UNKL: variants seen among roughly 807,000 people sequenced by gnomAD.
UNKL encodes the protein unk like zinc finger, also known as putative E3 ubiquitin-protein ligase UNKL.
In UNKL, 60 loss-of-function variants were observed where a neutral mutation model predicts 78.0. That is an observed-to-expected ratio of 0.77 (90% CI 0.63 to 0.95). The LOEUF (loss-of-function observed/expected upper bound fraction) is 0.95. Ranked by LOEUF, UNKL falls within the 40% of genes least tolerant of loss-of-function variation. UNKL has a pLI of 0.00. For missense variants in UNKL, 1,159 were observed against 1,045.7 expected, an observed-to-expected ratio of 1.11 and a Z score of -1.49; for synonymous variants, 608 against 474.8, an observed-to-expected ratio of 1.28 and a Z score of -3.65.
At position 1,401,647 on chromosome 16, in the gene UNKL, C is replaced by T. The variant is rs746546005; in HGVS notation, c.519G>A (p.Gly173=). 2.5e-6 allele frequency: 4 copies of T among 1,612,342 alleles called. No homozygotes were observed. In the South Asian group the frequency reaches 3.3e-5, roughly 13 times the overall value. ...AGACCCCAGGCTGCAGATCCGGGAC[C>T]CCTTCCCCGCCGCCCAGCTGGCCGT... ...LQNGQLGGGE[G]VPDLQPGVLA... Residue 173 remains glycine (G), a synonymous_variant, in exon 4 of 15, where the codon GGG becomes GGA. Coordinates refer to ENST00000389221, the MANE Select transcript of UNKL (RefSeq NM_001372107.1).
intron 12 of UNKL, chr16:1,368,261 A>G (rs2035472951): frequency 8.9e-6 from 2 of 225,102 alleles, no homozygotes; most frequent in Admixed American, 5.1e-5. Context: ...GTGACTGCCA[A>G]TGTCTATGCA....
chr16:1,399,668 G>C lies in UNKL; in HGVS notation c.599-159C>G. 9.1e-7 allele frequency: 1 copy of C among 1,102,620 alleles called. No individual in the cohort carries two copies. The highest frequency in any genetic ancestry group is 1.3e-6 in the Non-Finnish European group (1 of 780,808). 68.3% of individuals were successfully genotyped at this position (1,102,620 alleles called of 1,614,324 possible). The stretch of plus-strand genomic sequence containing the variant: ...CGCCACGGCACACGCTGATGTCAAA[G>C]GACTCGCGCTCCATGAGGGAAGCCG... On this transcript the variant is annotated intron_variant, in intron 4 of 14. Transcript: ENST00000389221. This position sits in a 1 kb window ranked among gnomAD's most constrained non-coding sequence, Gnocchi z 5.8.
intron 5 of UNKL, chr16:1,398,656 C>A (rs1410253043): frequency 9.0e-6 from 13 of 1,440,276 alleles, no homozygotes; most frequent in Non-Finnish European, 1.2e-5. Flanking sequence ...ATGGCCCAGG[C>A]ATCCAGACAC....
chr16:1,379,791 C>T, intron 10 of UNKL: 5 of 807,228 alleles, frequency 6.2e-6, no homozygotes, highest in Non-Finnish European at 7.5e-6. Flanking sequence ...CCCAACCTTC[C>T]CCCCGACTCG....
chr16:1,399,088 G>T lies in UNKL; in HGVS notation c.734+286C>A. On this transcript the variant is annotated intron_variant, in intron 5 of 14. Coordinates refer to ENST00000389221, the MANE Select transcript of UNKL (RefSeq NM_001372107.1). The surrounding 1 kb of genome is among the most constrained non-coding windows in gnomAD (Gnocchi z 5.8). ...CACACGGGGGTCCCAGCTGGGCTTG[G>T]GGTCCCTCCTGCAGTGCTCCGTCCC... The T allele has an allele frequency of 7.8e-7, 1 of 1,289,368 alleles. No homozygotes were observed. Among genetic ancestry groups the T allele is most frequent in the South Asian group, 1.5e-5 (1 of 64,604 alleles). The allele number at this position is 1,289,368 out of a possible 1,614,324, so 79.9% of individuals were successfully genotyped here.
At chr16:1,401,539 A>G in intron 4 of UNKL, 29 bp downstream of exon 4, 4 of 1,351,508 alleles carry the variant, frequency 3.0e-6, no homozygotes, top group Non-Finnish European at 3.0e-6. Context: ...CCCCCCCACC[A>G]CCGCCCTCAG....
intron 8 of UNKL, among the ~76,000 whole-genome samples, chr16:1,391,907 C>G (rs949715015): frequency 6.6e-6 from 1 of 152,112 alleles, no homozygotes; most frequent in Non-Finnish European, 1.5e-5. Context: ...AGGCCGGTCT[C>G]GAACTCCTGA....
chr16:1,393,602 C>T (rs934145011), intron 7 of UNKL, among the ~76,000 whole-genome samples: 3 of 152,234 alleles, frequency 2.0e-5, no homozygotes, highest in African/African-American at 7.2e-5. Context: ...AAGCCCTCAT[C>T]CCCTGGACAG....
chr16:1,398,610 G>C, intron 5 of UNKL: 1 of 1,425,726 alleles, frequency 7.0e-7, no homozygotes, highest in South Asian at 1.5e-5. Context: ...CAAAGGAAGA[G>C]CTGGACACAG....
chr16:1,383,719 G>T, intron 10 of UNKL: 2 of 403,686 alleles, frequency 5.0e-6, no homozygotes, highest in Non-Finnish European at 1.0e-5. Flanking sequence ...AAGAGTCATT[G>T]CGGGTCTGGC....
At chr16:1,376,819 T>G (rs1242470189) in intron 10 of UNKL, among the ~76,000 whole-genome samples, 1 of 152,030 alleles carries the variant, frequency 6.6e-6, no homozygotes, top group Non-Finnish European at 1.5e-5. Flanking sequence ...TTAACAAGAT[T>G]AACTGGTAAC....
chr16:1,401,347 G>C, intron 4 of UNKL: 1 of 464,422 alleles, frequency 2.2e-6, no homozygotes, highest in Non-Finnish European at 3.5e-6. Context: ...AGTTGCCGCA[G>C]AGATTCAGAG....
In UNKL at chr16:1,392,013, C is replaced by T. The variant is rs115426844; in HGVS notation, c.1023+878G>A. Among the ~76,000 whole-genome samples, 172 of 152,264 alleles carry T rather than the reference C, an allele frequency of 1.1e-3. 1 individual carries two copies. Among genetic ancestry groups the T allele is most frequent in the African/African-American group, 3.4e-3 (143 of 41,558 alleles). ...CTGAGTTCCATTTCTTACATTTGAACGTGGCTCTCTGACCTTGGGTTGGTC... is the reference window on the plus strand; with the variant it reads ...CTGAGTTCCATTTCTTACATTTGAATGTGGCTCTCTGACCTTGGGTTGGTC... On this transcript the variant is annotated intron_variant, in intron 8 of 14. Transcript: ENST00000389221.
chr16:1,368,474 C>T (rs1158227891), intron 12 of UNKL, among the ~76,000 whole-genome samples: 18 of 151,664 alleles, frequency 1.2e-4, no homozygotes, highest in Admixed American at 2.0e-4. Context: ...TGGTGGCGGG[C>T]GCCTGTAGTC....
intron 10 of UNKL, among the ~76,000 whole-genome samples, chr16:1,374,206 A>G (rs1175131567): frequency 4.0e-5 from 6 of 151,670 alleles, no homozygotes; most frequent in Admixed American, 2.0e-4. Context: ...GGGGCACACC[A>G]CACAGGGACT....
At chr16:1,392,433 TC>T (rs151218591) in intron 8 of UNKL, among the ~76,000 whole-genome samples, 2,319 of 150,352 alleles carry the variant, frequency 0.015, 58 homozygotes, top group African/African-American at 0.052. Context: ...AACCCCCTCT[TC>T]CCCCCTCTTT....
At chr16:1,369,867 TG>T in intron 12 of UNKL, 1 of 1,363,664 alleles carries the variant, frequency 7.3e-7, no homozygotes. Context: ...CCCAGCTACT[TG>T]GGTGGCTGAG....
intron 2 of UNKL, among the ~76,000 whole-genome samples, chr16:1,409,845 C>A (rs536514097): frequency 2.6e-5 from 4 of 152,192 alleles, no homozygotes; most frequent in African/African-American, 9.6e-5. Context: ...CTTTTGGAGG[C>A]CAAGGCTAGC....
chr16:1,401,715 A>G lies in UNKL; in HGVS notation c.465-14T>C, dbSNP rs1308310454. The G allele has an allele frequency of 1.2e-6, 2 of 1,603,720 alleles. No individual in the cohort carries two copies. The highest frequency in any genetic ancestry group is 1.7e-6 in the Non-Finnish European group (2 of 1,176,358). On this transcript the variant is annotated splice_polypyrimidine_tract_variant and intron_variant, in intron 3 of 14. Transcript: ENST00000389221. The stretch of plus-strand genomic sequence containing the variant: ...GCCTGCAGCTCCCTGCAAGCCGAGG[A>G]CACAGTGGTCACAGCTCTGCATCTG...
Sources: allele counts gnomAD v4.1 joint callset (sites outside exome capture counted in the v4.1 genomes callset), GRCh38; gene constraint gnomAD v4.1.1; non-coding constraint Gnocchi (gnomAD v3.1); transcripts MANE v1.5; gene names NCBI Gene and HGNC (gene_info 2026-07-23, HGNC 2026-07-21).